NUS1: variants seen among roughly 807,000 people sequenced by gnomAD.
NUS1 encodes the protein dehydrodolichyl diphosphate synthase complex subunit NUS1.
For synonymous variants in NUS1, 135 were observed against 155.2 expected (o/e 0.87, Z 0.97); for missense variants, 292 against 382.9 (o/e 0.76, Z 1.98).
intron 1 of NUS1, among the ~76,000 whole-genome samples, chr6:117,689,081 A>G (rs1274228333): frequency 1.3e-5 from 2 of 152,222 alleles, no homozygotes; most frequent in Non-Finnish European, 2.9e-5. Flanking sequence ...AGAATGGGCC[A>G]TTCAAGGAGC....
At chr6:117,695,067 G>A (rs994519713) in intron 3 of NUS1, among the ~76,000 whole-genome samples, 1 of 151,478 alleles carries the variant, frequency 6.6e-6, no homozygotes, top group African/African-American at 2.4e-5. Flanking sequence ...GGTGGCTCAC[G>A]CCTGTGGTCC....
chr6:117,706,837 T>C, intron 4 of NUS1, 88 bp from the exon 5 acceptor site: 1 of 1,022,236 alleles, frequency 9.8e-7, no homozygotes, highest in East Asian at 2.4e-5. Flanking sequence ...ATTCTATTCT[T>C]AACTTCTTTT....
intron 1 of NUS1, among the ~76,000 whole-genome samples, chr6:117,687,330 T>G (rs1418064090): frequency 6.6e-6 from 1 of 152,198 alleles, no homozygotes; most frequent in Non-Finnish European, 1.5e-5. Flanking sequence ...TAAATAAACA[T>G]TGAACTGCTA....
At chr6:117,695,732 C>T (rs1239673718) in intron 3 of NUS1, among the ~76,000 whole-genome samples, 1 of 152,172 alleles carries the variant, frequency 6.6e-6, no homozygotes, top group Non-Finnish European at 1.5e-5. Context: ...ACTCCTGCCC[C>T]CTAAACCAGC....
chr6:117,675,487 C>T lies in NUS1; in HGVS notation c.-184C>T. 1 of 615,454 alleles carries T rather than the reference C, an allele frequency of 1.6e-6. No individual in the cohort carries two copies. The highest frequency in any genetic ancestry group is 2.8e-6 in the Non-Finnish European group (1 of 351,490). 38.1% of individuals were successfully genotyped at this position (615,454 alleles called of 1,614,324 possible). ...TGTCCATGTACTACTGGGGGCGGGG[C>T]TGCCAAGGGAGGAGGAAGATGGCGG... On this transcript the variant is annotated 5_prime_UTR_variant, in exon 1 of 5. Coordinates refer to ENST00000368494, the MANE Select transcript of NUS1 (RefSeq NM_138459.5).
Position 117,707,363 on chromosome 6 carries a change from A to AAGAGGGCC in NUS1, c.*349_*356dup. On this transcript the variant is annotated 3_prime_UTR_variant, in exon 5 of 5. Transcript: ENST00000368494. ...GCTACTTCCCTATTTTTGTGGGGAG[A>AAGAGGGCC]AGAGGGCCTGATTAGAACTGTTCTG... 1 of 249,202 alleles carries AAGAGGGCC rather than the reference A, an allele frequency of 4.0e-6. No individual in the cohort carries two copies. Among genetic ancestry groups the AAGAGGGCC allele is most frequent in the South Asian group, 5.1e-5 (1 of 19,426 alleles). The allele number at this position is 249,202 out of a possible 1,614,324, so 15.4% of individuals were successfully genotyped here. A position where few individuals can be genotyped will look rare whatever the true frequency, so the allele number is the denominator to read the frequency against.
intron 1 of NUS1, among the ~76,000 whole-genome samples, chr6:117,692,732 C>T (rs1176698475): frequency 6.6e-6 from 1 of 152,064 alleles, no homozygotes; most frequent in Non-Finnish European, 1.5e-5. Flanking sequence ...GAGTTTAGGC[C>T]TCAGTTTCTG....
At chr6:117,684,047 T>C (rs1773101148) in intron 1 of NUS1, among the ~76,000 whole-genome samples, 1 of 152,234 alleles carries the variant, frequency 6.6e-6, no homozygotes, top group Non-Finnish European at 1.5e-5. Context: ...TGGCTTCTCC[T>C]CTGTTGTACT....
At chr6:117,679,815 C>G (rs1351746124) in intron 1 of NUS1, among the ~76,000 whole-genome samples, 1 of 152,168 alleles carries the variant, frequency 6.6e-6, no homozygotes, top group Non-Finnish European at 1.5e-5. Flanking sequence ...TTGCTATGTT[C>G]TCTTGGTCAG....
rs1379633307 is a variant in NUS1 at position 117,709,664 on chromosome 6, C to A, written c.*2649C>A. The A allele has an allele frequency of 3.3e-5, 5 of 152,240 alleles. No homozygotes were observed. In the East Asian group the frequency reaches 9.7e-4, roughly 29 times the overall value. 9.4% of individuals were successfully genotyped at this position (152,240 alleles called of 1,614,324 possible). A position where few individuals can be genotyped will look rare whatever the true frequency, so the allele number is the denominator to read the frequency against. On this transcript the variant is annotated 3_prime_UTR_variant, in exon 5 of 5. Coordinates refer to ENST00000368494, the MANE Select transcript of NUS1 (RefSeq NM_138459.5). ...GTACCATGCATAGAGTCAATCAAAT[C>A]CTTGTGATGTTTTGTATGGACTTTG... is the stretch of plus-strand genomic sequence containing the variant.
intron 4 of NUS1, among the ~76,000 whole-genome samples, chr6:117,705,137 T>C (rs1023864925): frequency 6.6e-6 from 1 of 152,170 alleles, no homozygotes; most frequent in Non-Finnish European, 1.5e-5. Flanking sequence ...TCTCATTTTA[T>C]AGATAAGGAA....
At chr6:117,685,814 C>T (rs1396815786) in intron 1 of NUS1, among the ~76,000 whole-genome samples, 1 of 152,140 alleles carries the variant, frequency 6.6e-6, no homozygotes. Context: ...ATTCAAATAT[C>T]TGTTTGCCCT....
At chr6:117,686,497 C>G (rs940219230) in intron 1 of NUS1, among the ~76,000 whole-genome samples, 2 of 152,060 alleles carry the variant, frequency 1.3e-5, no homozygotes, top group Non-Finnish European at 2.9e-5. Context: ...ATTGCTTGAC[C>G]TTTATGGATC....
In NUS1 at chr6:117,706,967, C is replaced by T. The variant is rs574276945; in HGVS notation, c.834C>T (p.Phe278=). The stretch of plus-strand genomic sequence containing the variant: ...TAAACATCAGTTATGAGGACTTTTT[C>T]TCTGCCCTTCGTCAATATGCAGCCT... ...SHLNISYEDF[F]SALRQYAACE... is the part of the protein sequence containing the mutation. Residue 278 remains phenylalanine, a synonymous_variant, in exon 5 of 5, where the codon TTC becomes TTT. Transcript: ENST00000368494. The T allele has an allele frequency of 6.2e-7, 1 of 1,612,916 alleles. No homozygotes were observed. Among genetic ancestry groups the T allele is most frequent in the South Asian group, 1.1e-5 (1 of 91,054 alleles).
At chr6:117,695,949 C>T (rs745848007) in intron 3 of NUS1, among the ~76,000 whole-genome samples, 45 of 152,108 alleles carry the variant, frequency 3.0e-4, no homozygotes, top group Non-Finnish European at 4.9e-4. Context: ...ATGCATTCAT[C>T]GGTTAATGCA....
chr6:117,692,711 A>G lies in NUS1; in HGVS notation c.416-331A>G, dbSNP rs184758325. Among the ~76,000 whole-genome samples, 28 of 152,274 alleles carry G rather than the reference A, an allele frequency of 1.8e-4. No homozygotes were observed. In the East Asian group the frequency reaches 4.2e-3, roughly 23 times the overall value. ...GCTGCAGTTTATAATTTCTTGGAGA[A>G]GAACCTTAAAGAGTTTAGGCCTCAG... On this transcript the variant is annotated intron_variant, in intron 1 of 4. Coordinates refer to ENST00000368494, the MANE Select transcript of NUS1 (RefSeq NM_138459.5).
chr6:117,679,161 T>C (rs1295882439), intron 1 of NUS1, among the ~76,000 whole-genome samples: 3 of 152,120 alleles, frequency 2.0e-5, no homozygotes, highest in Non-Finnish European at 4.4e-5. Context: ...CACAAGCTAA[T>C]ATAGAAATGC....
intron 3 of NUS1, among the ~76,000 whole-genome samples, chr6:117,694,860 A>G (rs879872641): frequency 3.9e-5 from 6 of 152,098 alleles, no homozygotes; most frequent in South Asian, 2.1e-4. Flanking sequence ...TTAGACATTC[A>G]TTCATTTTTT....
At chr6:117,693,994 A>C (rs748156869) in intron 2 of NUS1, 37 bp from the exon 3 acceptor site, 1 of 1,586,274 alleles carries the variant, frequency 6.3e-7, no homozygotes, top group South Asian at 1.2e-5. Flanking sequence ...CCTGGAAGAG[A>C]GTGTTTTTAA....
Sources: allele counts gnomAD v4.1 joint callset (sites outside exome capture counted in the v4.1 genomes callset), GRCh38; gene constraint gnomAD v4.1.1; transcripts MANE v1.5; gene names NCBI Gene and HGNC (gene_info 2026-07-23, HGNC 2026-07-21).